GALNTL6: variants seen among roughly 807,000 people sequenced by gnomAD.
GALNTL6 encodes polypeptide N-acetylgalactosaminyltransferase-like 6.
GALNTL6 carries 46 observed loss-of-function variants against 73.7 expected under a neutral mutation model. The ratio of observed to expected loss-of-function variants is 0.62; its 90% CI spans 0.49 to 0.80. The LOEUF (loss-of-function observed/expected upper bound fraction) is 0.80, where lower values mean the gene tolerates loss of function less well. Among genes scored for constraint, GALNTL6 ranks in the 30% least tolerant of loss-of-function variants. GALNTL6 has a pLI of 0.00. For synonymous variants in GALNTL6, 259 were observed against 263.7 expected (o/e 0.98, Z 0.17); for missense variants, 604 against 755.0 (o/e 0.80, Z 2.34).
chr4:172,957,423 G>T (rs1258750245), intron 10 of GALNTL6, among the ~76,000 whole-genome samples: 1 of 152,196 alleles, frequency 6.6e-6, no homozygotes, highest in African/African-American at 2.4e-5. Flanking sequence ...ATAGGTGGAA[G>T]TTTCAGCAGG....
chr4:172,176,257 G>A (rs1013049222), intron 2 of GALNTL6, among the ~76,000 whole-genome samples: 6 of 143,722 alleles, frequency 4.2e-5, no homozygotes, highest in East Asian at 2.1e-4. Flanking sequence ...GGAGAATGGC[G>A]TGAACCTGCG....
chr4:172,156,020 G>T (rs949310063), intron 2 of GALNTL6, among the ~76,000 whole-genome samples: 2 of 152,012 alleles, frequency 1.3e-5, no homozygotes, highest in South Asian at 2.1e-4. Context: ...CCCCGAGAAC[G>T]TGCCAACAGA....
At chr4:172,605,171 C>G (rs1191493022) in intron 5 of GALNTL6, among the ~76,000 whole-genome samples, 4 of 152,180 alleles carry the variant, frequency 2.6e-5, no homozygotes, top group Non-Finnish European at 4.4e-5. Context: ...GGTTAGTCTT[C>G]AGCAGTTGCC....
chr4:172,951,331 G>A (rs1280099030), intron 9 of GALNTL6, among the ~76,000 whole-genome samples: 2 of 152,142 alleles, frequency 1.3e-5, no homozygotes, highest in Non-Finnish European at 2.9e-5. Flanking sequence ...TGACAAAAGG[G>A]CTGAGCTTCC....
chr4:172,153,114 C>T (rs1431492132), intron 2 of GALNTL6, among the ~76,000 whole-genome samples: 1 of 152,164 alleles, frequency 6.6e-6, no homozygotes, highest in Non-Finnish European at 1.5e-5. Flanking sequence ...TGACACCAAC[C>T]CCTAAACAAC....
At chr4:172,975,169 A>C (rs1201696754) in intron 10 of GALNTL6, among the ~76,000 whole-genome samples, 1 of 152,182 alleles carries the variant, frequency 6.6e-6, no homozygotes, top group Non-Finnish European at 1.5e-5. Context: ...GTGTGTGGAC[A>C]ACTGCAGGGT....
chr4:171,929,467 G>A (rs576396746), intron 2 of GALNTL6, among the ~76,000 whole-genome samples: 6 of 152,076 alleles, frequency 3.9e-5, no homozygotes, highest in Non-Finnish European at 7.4e-5. Context: ...TGCCTGGCAC[G>A]CCCCAGACCC....
intron 2 of GALNTL6, among the ~76,000 whole-genome samples, chr4:171,849,529 G>A (rs1735462396): frequency 6.6e-6 from 1 of 151,854 alleles, no homozygotes; most frequent in Non-Finnish European, 1.5e-5. Flanking sequence ...ATCTACATTT[G>A]AAAATAGAAA....
At chr4:172,624,975 C>T (rs1480888554) in intron 5 of GALNTL6, among the ~76,000 whole-genome samples, 1 of 151,828 alleles carries the variant, frequency 6.6e-6, no homozygotes, top group African/African-American at 2.4e-5. Flanking sequence ...CTCTGTCCTC[C>T]AGTATTTCTC....
intron 9 of GALNTL6, among the ~76,000 whole-genome samples, chr4:172,945,524 G>C (rs1299229639): frequency 6.6e-6 from 1 of 152,084 alleles, no homozygotes; most frequent in Admixed American, 6.5e-5. Flanking sequence ...TGGGGTTTTT[G>C]TTTGTTTGTT....
At chr4:172,307,419 A>G (rs1740180447) in intron 3 of GALNTL6, among the ~76,000 whole-genome samples, 1 of 152,116 alleles carries the variant, frequency 6.6e-6, no homozygotes, top group Non-Finnish European at 1.5e-5. Flanking sequence ...CTTGGTCATG[A>G]AGTCTTTGCC....
In GALNTL6 at chr4:172,192,157, G is replaced by A. The variant is rs144968667; in HGVS notation, c.139-37499G>A. The stretch of plus-strand genomic sequence containing the variant: ...AATTACTAAAGAAGCTATGGTAAAT[G>A]TTATTTATGTCATCTATAAATAACT... On this transcript the variant is annotated intron_variant, in intron 2 of 12. Transcript: ENST00000506823. Among the ~76,000 whole-genome samples the A allele has an allele frequency of 1.1e-3, 165 of 152,076 alleles. 3 individuals are homozygous for A. In the East Asian group the frequency reaches 0.026, roughly 24 times the overall value.
chr4:172,303,329 C>G (rs1740007734), intron 3 of GALNTL6, among the ~76,000 whole-genome samples: 1 of 152,134 alleles, frequency 6.6e-6, no homozygotes. Flanking sequence ...GGATTATTAA[C>G]TTACTACACT....
chr4:172,533,483 C>A lies in GALNTL6; in HGVS notation c.553+184794C>A, dbSNP rs189381259. Among the ~76,000 whole-genome samples, 497 of 151,890 alleles carry A rather than the reference C, an allele frequency of 3.3e-3. 2 individuals carry two copies. The highest frequency in any genetic ancestry group is 0.021 in the Middle Eastern group (6 of 292). ...GGGACTACAGGTGAACGCCACCACG[C>A]CTGGCTAAATTTTGTATTTTTAGTA... is the stretch of plus-strand genomic sequence containing the variant. On this transcript the variant is annotated intron_variant, in intron 5 of 12. Coordinates refer to ENST00000506823, the MANE Select transcript of GALNTL6 (RefSeq NM_001034845.3).
Position 172,753,285 on chromosome 4 carries a change from T to C in GALNTL6, c.554-56076T>C, listed in dbSNP as rs558224200. ...GATTGTGAAGCCCCCACCTCAGCCA[T>C]GTGGAACTGTGAGTCTATCAAACCT... is the stretch of plus-strand genomic sequence containing the variant. On this transcript the variant is annotated intron_variant, in intron 5 of 12. Coordinates refer to ENST00000506823, the MANE Select transcript of GALNTL6 (RefSeq NM_001034845.3). 9.2e-5 allele frequency among the ~76,000 whole-genome samples: 14 copies of C among 152,316 alleles called. No homozygotes were observed. The East Asian group carries it at 2.7e-3, about 29-fold the overall frequency.
intron 5 of GALNTL6, among the ~76,000 whole-genome samples, chr4:172,400,020 C>T (rs111720673): frequency 1.4e-4 from 22 of 152,176 alleles, no homozygotes; most frequent in Non-Finnish European, 2.1e-4. Flanking sequence ...ATTTATTTTT[C>T]CTCAAATTTA....
intron 5 of GALNTL6, among the ~76,000 whole-genome samples, chr4:172,450,346 A>G (rs2111420269): frequency 6.6e-6 from 1 of 152,020 alleles, no homozygotes; most frequent in South Asian, 2.1e-4. Context: ...GTAATCCTTC[A>G]TCTCATTCTT....
At chr4:172,188,340 T>C (rs1735475411) in intron 2 of GALNTL6, among the ~76,000 whole-genome samples, 1 of 152,206 alleles carries the variant, frequency 6.6e-6, no homozygotes, top group African/African-American at 2.4e-5. Context: ...TTCACTAATA[T>C]TTGTACATCT....
At chr4:172,100,421 A>G (rs978458393) in intron 2 of GALNTL6, among the ~76,000 whole-genome samples, 1 of 152,170 alleles carries the variant, frequency 6.6e-6, no homozygotes, top group African/African-American at 2.4e-5. Context: ...ACACAAATGA[A>G]AAATAATAGC....
Sources: allele counts gnomAD v4.1 joint callset (sites outside exome capture counted in the v4.1 genomes callset), GRCh38; gene constraint gnomAD v4.1.1; transcripts MANE v1.5; gene names NCBI Gene and HGNC (gene_info 2026-07-23, HGNC 2026-07-21).